Variants in TBX20 observed in about 807,000 individuals in gnomAD.
TBX20 encodes the protein T-box transcription factor 20.
In TBX20, 8 loss-of-function variants were observed where a neutral mutation model predicts 42.9. That is an observed-to-expected ratio of 0.19 (90% CI 0.11 to 0.34). The LOEUF is 0.34. Among genes scored for constraint, TBX20 ranks in the 10% least tolerant of loss-of-function variants. TBX20 has a pLI of 1.00. For synonymous variants in TBX20, 198 were observed against 222.8 expected (o/e 0.89, Z 0.99); for missense variants, 411 against 566.0 (o/e 0.73, Z 2.78).
At chr7:35,248,644 A>G in intron 3 of TBX20, 33 bp downstream of exon 3, 4 of 1,611,444 alleles carry the variant, frequency 2.5e-6, no homozygotes, top group Non-Finnish European at 3.4e-6. Context: ...ATGCACTAAC[A>G]GTTTTCTCAG....
chr7:35,250,268 C>T (rs1790280200), intron 1 of TBX20, 65 bp from the exon 2 acceptor site: 2 of 1,448,204 alleles, frequency 1.4e-6, no homozygotes, highest in East Asian at 2.5e-5. Context: ...CTGGAAAGAA[C>T]AGCATAACCA....
chr7:35,247,093 C>T (rs1277601546), intron 3 of TBX20, among the ~76,000 whole-genome samples: 1 of 148,344 alleles, frequency 6.7e-6, no homozygotes, highest in Non-Finnish European at 1.5e-5. Context: ...CATCAGCTCC[C>T]CATACCTTCA....
Position 35,244,970 on chromosome 7 carries a change from A to G in TBX20, c.633T>C (p.Asn211=). The G allele has an allele frequency of 3.1e-6, 5 of 1,613,672 alleles. No individual in the cohort carries two copies. Among genetic ancestry groups the G allele is most frequent in the Non-Finnish European group, 4.2e-6 (5 of 1,179,596 alleles). ...VSFEKVKLTN[N]ELDQHGHIIL... is the part of the protein sequence containing the mutation. ...TTACATGGCCATGTTGATCCAGTTC[A>G]TTGTTGGTGAGTTTCACCTTTTCAA... The change falls in exon 4 of 8, where the codon AAT becomes AAC. Residue 211 remains asparagine, a synonymous_variant. Transcript: ENST00000408931.
chr7:35,206,318 C>T (rs80026666), intron 6 of TBX20, among the ~76,000 whole-genome samples: 1 of 152,200 alleles, frequency 6.6e-6, no homozygotes, highest in Non-Finnish European at 1.5e-5. Context: ...GAGGCCCAGG[C>T]GGGTGGATCA....
chr7:35,251,558 A>C (rs1372156391), intron 1 of TBX20, among the ~76,000 whole-genome samples: 1 of 152,178 alleles, frequency 6.6e-6, no homozygotes, highest in Non-Finnish European at 1.5e-5. Flanking sequence ...CTTCGGAGGG[A>C]ATTAAGAAGT....
At position 35,253,765 on chromosome 7, in the gene TBX20, A is replaced by C; in HGVS notation, c.-145T>G. On this transcript the variant is annotated 5_prime_UTR_variant, in exon 1 of 8. Transcript: ENST00000408931. ...CAGGGACTCCAGAAGTGTCAGCTCCAACGACTCCAGAGCTGCACACTGGCC... is the reference window on the plus strand; with the variant it reads ...CAGGGACTCCAGAAGTGTCAGCTCCCACGACTCCAGAGCTGCACACTGGCC... 8.6e-5 allele frequency: 85 copies of C among 990,998 alleles called. No homozygotes were observed. The highest frequency in any genetic ancestry group is 2.6e-4 in the East Asian group (10 of 38,230). The allele number at this position is 990,998 out of a possible 1,614,324, so 61.4% of individuals were successfully genotyped here.
At chr7:35,250,260 G>A in intron 1 of TBX20, 57 bp from the exon 2 acceptor site, 1 of 1,521,026 alleles carries the variant, frequency 6.6e-7, no homozygotes, top group Non-Finnish European at 8.8e-7. Context: ...GGAAAGATCT[G>A]GAAAGAACAG....
At chr7:35,245,354 A>C (rs1790163370) in intron 3 of TBX20, among the ~76,000 whole-genome samples, 1 of 48,908 alleles carries the variant, frequency 2.0e-5, no homozygotes, top group Non-Finnish European at 4.2e-5. Flanking sequence ...GTGTGTTTTC[A>C]TCTATCTAGT....
chr7:35,245,538 C>A (rs1790167158), intron 3 of TBX20, among the ~76,000 whole-genome samples: 1 of 152,040 alleles, frequency 6.6e-6, no homozygotes, highest in African/African-American at 2.4e-5. Context: ...TTTATTTAAA[C>A]TTAAAGTTTT....
intron 5 of TBX20, 78 bp downstream of exon 5, chr7:35,240,801 C>G (rs959472474): frequency 1.5e-6 from 2 of 1,356,346 alleles, no homozygotes; most frequent in African/African-American, 1.4e-5. Context: ...ACTGGGATAT[C>G]TCTTCTCTCC....
At chr7:35,217,745 A>G (rs1481958737) in intron 6 of TBX20, among the ~76,000 whole-genome samples, 1 of 150,750 alleles carries the variant, frequency 6.6e-6, no homozygotes, top group South Asian at 2.1e-4. Flanking sequence ...TTTGAGATGG[A>G]GTTTTGTTCT....
rs763852980 is a variant in TBX20 at position 35,231,526 on chromosome 7, A to C, written c.868T>G (p.Ser290Ala). The C allele has an allele frequency of 1.9e-6, 3 of 1,613,496 alleles. No homozygotes were observed. Among genetic ancestry groups the C allele is most frequent in the Non-Finnish European group, 2.5e-6 (3 of 1,179,438 alleles). The change falls in exon 6 of 8, where the codon TCC (serine) becomes GCC (alanine). Residue 290 changes from serine to alanine, a missense_variant. Ser to Ala is a moderately conservative substitution (Grantham distance 99, BLOSUM62 1). Around this residue, in one of 5 missense-constraint regions of TBX20, gnomAD observed 162 missense variants for 205.4 expected, o/e 0.79. Transcript: ENST00000408931. Reference protein sequence around the residue: ...NPFAKGFRDSSRLTDIERESV... With the variant: ...NPFAKGFRDSARLTDIERESV... ...TACCTCTCAATGTCAGTGAGCCTGG[A>C]GGAATCCCGGAATCCTTTGGCAAAA...
Position 35,217,394 on chromosome 7 carries a change from T to C in TBX20, c.891-12812A>G, listed in dbSNP as rs548368460. ...TAAACTGTGAGGCAGGCAACAAATA[T>C]TCTTCATACACAGATAGAAGGAAAG... On this transcript the variant is annotated intron_variant, in intron 6 of 7. Coordinates refer to ENST00000408931, the MANE Select transcript of TBX20 (RefSeq NM_001077653.2). Among the ~76,000 whole-genome samples the C allele has an allele frequency of 6.6e-5, 10 of 152,318 alleles. No homozygotes were observed. The East Asian group carries it at 1.4e-3, about 21-fold the overall frequency.
At position 35,240,733 on chromosome 7, in the gene TBX20, T is replaced by TA. The variant is rs3217098; in HGVS notation, c.813+145dup. The TA allele has an allele frequency of 0.38, 276,272 of 735,484 alleles. 53,525 individuals carry two copies. The highest frequency in any genetic ancestry group is 0.49 in the Admixed American group (21,600 of 43,644). The allele number at this position is 735,484 out of a possible 1,614,324, so 45.6% of individuals were successfully genotyped here. A position where few individuals can be genotyped will look rare whatever the true frequency, so the allele number is the denominator to read the frequency against. On this transcript the variant is annotated intron_variant, in intron 5 of 7. Transcript: ENST00000408931. ...AATACACAGTCACTCAACACACTCT[T>TA]AGAGTTCCTAGCCCTGAAACTCAAT...
intron 6 of TBX20, among the ~76,000 whole-genome samples, chr7:35,225,747 C>T (rs1319281140): frequency 6.6e-6 from 1 of 152,116 alleles, no homozygotes; most frequent in Non-Finnish European, 1.5e-5. Context: ...TCAACACGAG[C>T]CTAAGCTAAA....
At chr7:35,223,166 A>G (rs1789712185) in intron 6 of TBX20, among the ~76,000 whole-genome samples, 2 of 152,208 alleles carry the variant, frequency 1.3e-5, no homozygotes, top group African/African-American at 4.8e-5. Context: ...AAAGATGACT[A>G]CAAGTTTTTC....
At chr7:35,220,331 C>T (rs1251194892) in intron 6 of TBX20, among the ~76,000 whole-genome samples, 1 of 152,168 alleles carries the variant, frequency 6.6e-6, no homozygotes, top group Non-Finnish European at 1.5e-5. Context: ...GCAGCCCTCC[C>T]AGCCAGCACA....
chr7:35,211,666 C>T (rs570769278), intron 6 of TBX20, among the ~76,000 whole-genome samples: 16 of 152,210 alleles, frequency 1.1e-4, no homozygotes, highest in South Asian at 6.2e-4. Flanking sequence ...ACACTTTTGA[C>T]TTATGATATT....
At chr7:35,210,154 G>A (rs1310140232) in intron 6 of TBX20, among the ~76,000 whole-genome samples, 59 of 139,768 alleles carry the variant, frequency 4.2e-4, no homozygotes, top group South Asian at 2.9e-3. Context: ...TCACTCTGTC[G>A]CCCAGGCTGG....
Sources: gnomAD v4.1 joint callset for allele counts (sites outside exome capture counted in the v4.1 genomes callset) on GRCh38, gnomAD v4.1.1 for gene constraint, gnomAD v4.1.1 regional missense constraint, MANE v1.5 for transcripts, NCBI Gene and HGNC (gene_info 2026-07-23, HGNC 2026-07-21) for gene names.